The following BIVM variants were observed in gnomAD, a reference collection of about 807,000 sequenced individuals.
BIVM encodes basic, immunoglobulin-like variable motif containing.
A neutral mutation model predicts 61.4 loss-of-function variants in BIVM; 31 were observed. That is an observed-to-expected ratio of 0.51 (90% confidence interval 0.38 to 0.68). The LOEUF (loss-of-function observed/expected upper bound fraction) is 0.68, where lower values mean the gene tolerates loss of function less well. BIVM is among the 30% of genes least tolerant of loss of function. The pLI is 0.00. For missense variants in BIVM, 526 were observed against 596.0 expected, an observed-to-expected ratio of 0.88 and a Z score of 1.22; for synonymous variants, 189 against 210.7, an observed-to-expected ratio of 0.90 and a Z score of 0.89.
At chr13:102,816,623 T>C (rs1879883646) in intron 4 of BIVM, 69 bp downstream of exon 4, 1 of 1,332,848 alleles carries the variant, frequency 7.5e-7, no homozygotes, top group Non-Finnish European at 9.8e-7. Context: ...AACGTAGCAG[T>C]TTACAAATTA....
At chr13:102,818,528 T>C (rs1453860276) in intron 4 of BIVM, among the ~76,000 whole-genome samples, 1 of 152,230 alleles carries the variant, frequency 6.6e-6, no homozygotes, top group Non-Finnish European at 1.5e-5. Context: ...TGCTCGTTTG[T>C]GCTTCTAATC....
intron 3 of BIVM, among the ~76,000 whole-genome samples, chr13:102,809,999 T>TCCTGACCTCGTGATCCGCCCG (rs1354317172): frequency 6.6e-6 from 1 of 152,128 alleles, no homozygotes; most frequent in Non-Finnish European, 1.5e-5. Flanking sequence ...GGTCTCGACC[T>TCCTGACCTCGTGATCCGCCCG]CCTGACCTCG....
chr13:102,804,493 T>C (rs1236711137), intron 1 of BIVM, among the ~76,000 whole-genome samples: 2 of 152,198 alleles, frequency 1.3e-5, no homozygotes, highest in African/African-American at 2.4e-5. Context: ...TTGTGTTTTT[T>C]AGTAGAGACA....
intron 8 of BIVM, among the ~76,000 whole-genome samples, chr13:102,832,432 C>T (rs1413755949): frequency 1.3e-5 from 2 of 152,160 alleles, no homozygotes; most frequent in Admixed American, 1.3e-4. Context: ...AAACTCCTGG[C>T]CTCAAGTGGT....
rs1273977047 is a variant in BIVM at position 102,807,467 on chromosome 13, A to G, written c.200A>G (p.Tyr67Cys). ...CPVTHTREKIYAICSDYAFLN... is the reference protein window; with the variant it reads ...CPVTHTREKICAICSDYAFLN... ...GTGACTCATACACGGGAAAAAATTT[A>G]TGCCATCTGTTCGGACTATGCCTTT... The change falls in exon 3 of 11, where the codon TAT (tyrosine) becomes TGT (cysteine). Residue 67 changes from tyrosine to cysteine, a missense_variant. This residue lies in a region of BIVM where 312 missense variants were observed against 343.8 expected (regional missense o/e 0.91). Coordinates refer to ENST00000257336, the MANE Select transcript of BIVM (RefSeq NM_017693.4). This position sits in a 1 kb window ranked among gnomAD's most constrained non-coding sequence, Gnocchi z 4.0. 2.5e-6 allele frequency: 4 copies of G among 1,614,210 alleles called. No individual in the cohort carries two copies. Among genetic ancestry groups the G allele is most frequent in the Non-Finnish European group, 3.4e-6 (4 of 1,180,038 alleles).
At chr13:102,823,088 T>G (rs1880409432) in intron 7 of BIVM, among the ~76,000 whole-genome samples, 1 of 152,128 alleles carries the variant, frequency 6.6e-6, no homozygotes, top group South Asian at 2.1e-4. Flanking sequence ...GGAACTTGAT[T>G]AGATATTAAG....
intron 2 of BIVM, among the ~76,000 whole-genome samples, chr13:102,805,644 C>T (rs1460869783): frequency 6.6e-6 from 1 of 152,106 alleles, no homozygotes; most frequent in Non-Finnish European, 1.5e-5. Flanking sequence ...ATCATTATTA[C>T]AAAAAGAAAC....
chr13:102,802,261 T>C (rs1878794898), intron 1 of BIVM, among the ~76,000 whole-genome samples: 2 of 152,186 alleles, frequency 1.3e-5, no homozygotes, highest in African/African-American at 2.4e-5. Flanking sequence ...TTGTCTATAA[T>C]GATTCTGTTA....
chr13:102,800,975 A>G (rs895251271), intron 1 of BIVM, among the ~76,000 whole-genome samples: 27 of 152,244 alleles, frequency 1.8e-4, no homozygotes, highest in Admixed American at 1.3e-4. Context: ...GTTCTCTCAT[A>G]AACTTGATAC....
At chr13:102,821,982 A>G (rs1595350740) in intron 6 of BIVM, 83 bp from the exon 7 acceptor site, 1 of 1,560,416 alleles carries the variant, frequency 6.4e-7, no homozygotes, top group East Asian at 2.2e-5. Flanking sequence ...ACTTTGGGCT[A>G]TGCCTGAATT....
intron 7 of BIVM, among the ~76,000 whole-genome samples, chr13:102,831,059 G>C (rs1881031245): frequency 6.6e-6 from 1 of 152,176 alleles, no homozygotes. Context: ...AGTTTTTTAA[G>C]TTGGGATGTG....
chr13:102,832,528 A>G (rs1027221665), intron 8 of BIVM, among the ~76,000 whole-genome samples: 2 of 152,202 alleles, frequency 1.3e-5, no homozygotes, highest in African/African-American at 2.4e-5. Flanking sequence ...CATTTATTAT[A>G]AAACAGTTGC....
intron 1 of BIVM, chr13:102,800,803 G>C (rs936576766): frequency 2.0e-5 from 3 of 152,392 alleles, no homozygotes; most frequent in African/African-American, 7.2e-5. Flanking sequence ...GCATTAGCTC[G>C]GCCGGGGGCT....
intron 1 of BIVM, 142 bp from the exon 2 acceptor site, chr13:102,805,165 A>G (rs1405219763): frequency 6.6e-6 from 1 of 152,110 alleles, no homozygotes; most frequent in East Asian, 1.9e-4. Flanking sequence ...AAACCCGCAT[A>G]CCCTGCCCGG....
intron 4 of BIVM, among the ~76,000 whole-genome samples, chr13:102,817,665 G>A (rs1020394077): frequency 5.3e-5 from 8 of 151,430 alleles, no homozygotes; most frequent in African/African-American, 1.9e-4. Flanking sequence ...GTTGCAAAAT[G>A]GTTATATTTC....
At chr13:102,806,583 C>T (rs1221905495) in intron 2 of BIVM, among the ~76,000 whole-genome samples, 1 of 152,158 alleles carries the variant, frequency 6.6e-6, no homozygotes, top group Non-Finnish European at 1.5e-5. Context: ...TTGGAGAAGA[C>T]ACTATTCAGA....
intron 2 of BIVM, 39 bp downstream of exon 2, chr13:102,805,429 G>C (rs1055924399): frequency 6.6e-6 from 1 of 152,088 alleles, no homozygotes; most frequent in Non-Finnish European, 1.5e-5. Context: ...TGTATTCTGT[G>C]TTTATTTAAA....
At chr13:102,806,647 AC>A (rs1402907324) in intron 2 of BIVM, among the ~76,000 whole-genome samples, 1 of 151,818 alleles carries the variant, frequency 6.6e-6, no homozygotes, top group Non-Finnish European at 1.5e-5. Flanking sequence ...ATGGTGGCTC[AC>A]ATCTGTAATT....
chr13:102,807,188 A>T lies in BIVM; in HGVS notation c.-80A>T, dbSNP rs1879162319. ...CTCAAGCTTTTATAGCATGCTGTAA[A>T]CAATTGTCAAAGTTGTTTATCAAGA... On this transcript the variant is annotated 5_prime_UTR_variant, in exon 3 of 11. Coordinates refer to ENST00000257336, the MANE Select transcript of BIVM (RefSeq NM_017693.4). This position sits in a 1 kb window ranked among gnomAD's most constrained non-coding sequence, Gnocchi z 4.0. The T allele has an allele frequency of 2.8e-6, 4 of 1,445,134 alleles. No homozygotes were observed. Among genetic ancestry groups the T allele is most frequent in the Middle Eastern group, 4.2e-4 (2 of 4,754 alleles). 89.5% of individuals were successfully genotyped at this position (1,445,134 alleles called of 1,614,324 possible).
Sources: allele counts gnomAD v4.1 joint callset (sites outside exome capture counted in the v4.1 genomes callset), GRCh38; gene constraint gnomAD v4.1.1; regional missense constraint gnomAD v4.1.1; non-coding constraint Gnocchi (gnomAD v3.1); transcripts MANE v1.5; gene names NCBI Gene and HGNC (gene_info 2026-07-23, HGNC 2026-07-21).